CSPP1: variants seen among roughly 807,000 people sequenced by gnomAD.
CSPP1 encodes the protein centrosome and spindle pole associated protein 1.
A neutral mutation model predicts 164.4 loss-of-function variants in CSPP1; 126 were observed. The ratio of observed to expected loss-of-function variants is 0.77; its 90% CI spans 0.66 to 0.89. CSPP1 has a LOEUF of 0.89. Ranked by LOEUF, CSPP1 falls within the 40% of genes least tolerant of loss-of-function variation. CSPP1 has a pLI of 0.00. For synonymous variants in CSPP1, 472 were observed against 476.7 expected, an observed-to-expected ratio of 0.99 and a Z score of 0.13; for missense variants, 1,395 against 1,449.8, an observed-to-expected ratio of 0.96 and a Z score of 0.61.
chr8:67,107,982 A>AC (rs1815932648), intron 9 of CSPP1, among the ~76,000 whole-genome samples: 1 of 60,186 alleles, frequency 1.7e-5, no homozygotes, highest in East Asian at 4.9e-4. Context: ...TCTTTGACAA[A>AC]GTTTTTTTTT....
intron 15 of CSPP1, among the ~76,000 whole-genome samples, chr8:67,119,386 A>G (rs551440640): frequency 1.3e-5 from 2 of 152,094 alleles, no homozygotes; most frequent in African/African-American, 2.4e-5. Context: ...CTTGTTTTCA[A>G]TTTTTTTGGG....
chr8:67,077,344 T>G (rs1422500500), intron 3 of CSPP1, among the ~76,000 whole-genome samples: 1 of 151,456 alleles, frequency 6.6e-6, no homozygotes, highest in East Asian at 1.9e-4. Context: ...AATTTTTTTT[T>G]TTTTTCTTCA....
At chr8:67,103,348 T>G (rs958709403) in intron 8 of CSPP1, among the ~76,000 whole-genome samples, 1 of 152,164 alleles carries the variant, frequency 6.6e-6, no homozygotes, top group African/African-American at 2.4e-5. Flanking sequence ...CAAGTTTTGG[T>G]TATAAAGTGT....
intron 17 of CSPP1, among the ~76,000 whole-genome samples, chr8:67,145,369 ACTTTATGGATCTTTTCATAGAATCAG>A (rs1824312716): frequency 6.6e-6 from 1 of 152,074 alleles, no homozygotes; most frequent in Non-Finnish European, 1.5e-5. Context: ...ATGTTTATCA[ACTTTATGGATCTTTTCATAGAATCAG>A]CTTTAGTTTT....
chr8:67,150,797 GA>G (rs149607609), intron 18 of CSPP1, among the ~76,000 whole-genome samples: 5,322 of 152,110 alleles, frequency 0.035, 189 homozygotes, highest in African/African-American at 0.08. Context: ...GACATACCAG[GA>G]AAAGTTGTCA....
intron 10 of CSPP1, 119 bp downstream of exon 10, chr8:67,112,184 T>C: frequency 5.2e-6 from 3 of 574,444 alleles, no homozygotes; most frequent in South Asian, 2.5e-5. Flanking sequence ...AAATCACTTA[T>C]ATTTTCATCT....
In CSPP1 at chr8:67,195,849, C is replaced by G. The variant is rs898853393; in HGVS notation, c.*256C>G. The G allele has an allele frequency of 2.4e-6, 1 of 419,952 alleles. No homozygotes were observed. Among genetic ancestry groups the G allele is most frequent in the East Asian group, 4.5e-5 (1 of 22,262 alleles). The allele number at this position is 419,952 out of a possible 1,614,324, so 26.0% of individuals were successfully genotyped here. A position where few individuals can be genotyped will look rare whatever the true frequency, so the allele number is the denominator to read the frequency against. On this transcript the variant is annotated 3_prime_UTR_variant, in exon 31 of 31. Transcript: ENST00000678616. ...TAGGGTGGTAATGAACTGGATTGAA[C>G]TACTATATGTGCATTATATTGAATT...
At chr8:67,114,830 T>G (rs1025849247) in intron 12 of CSPP1, 1 of 152,238 alleles carries the variant, frequency 6.6e-6, no homozygotes, top group African/African-American at 2.4e-5. Context: ...CTTATTTATC[T>G]TTGAATTGAA....
chr8:67,099,266 T>A (rs1443079048), intron 7 of CSPP1: 1 of 152,122 alleles, frequency 6.6e-6, no homozygotes, highest in Non-Finnish European at 1.5e-5. Flanking sequence ...GTAAGTGAAC[T>A]TATATATTAA....
intron 7 of CSPP1, among the ~76,000 whole-genome samples, chr8:67,100,493 A>G (rs1813824066): frequency 6.6e-6 from 1 of 152,194 alleles, no homozygotes; most frequent in East Asian, 1.9e-4. Context: ...TTAATTTTAG[A>G]AAAAGCTTTT....
chr8:67,162,531 C>T (rs1828562900), intron 22 of CSPP1, among the ~76,000 whole-genome samples: 1 of 152,078 alleles, frequency 6.6e-6, no homozygotes, highest in Non-Finnish European at 1.5e-5. Flanking sequence ...TGAATTCCAC[C>T]CTTTGAGATT....
At chr8:67,110,060 A>G (rs1816526739) in intron 9 of CSPP1, among the ~76,000 whole-genome samples, 1 of 151,936 alleles carries the variant, frequency 6.6e-6, no homozygotes, top group Non-Finnish European at 1.5e-5. Context: ...CACCATGAAT[A>G]TGCCTAAACT....
At chr8:67,127,944 G>A (rs1286116359) in intron 15 of CSPP1, among the ~76,000 whole-genome samples, 1 of 152,202 alleles carries the variant, frequency 6.6e-6, no homozygotes, top group Non-Finnish European at 1.5e-5. Flanking sequence ...GAAGGAACCT[G>A]TGACTCTGTT....
chr8:67,082,742 A>C (rs535567860), intron 3 of CSPP1, among the ~76,000 whole-genome samples: 2 of 152,212 alleles, frequency 1.3e-5, no homozygotes, highest in Admixed American at 6.5e-5. Flanking sequence ...TATGTAAGCC[A>C]CAACTGTTAT....
intron 15 of CSPP1, among the ~76,000 whole-genome samples, chr8:67,125,571 C>T (rs1398867056): frequency 1.3e-5 from 2 of 152,154 alleles, no homozygotes; most frequent in Non-Finnish European, 2.9e-5. Flanking sequence ...CTGAGACCCC[C>T]ATTGGTACAC....
At chr8:67,135,570 T>C (rs7812425) in intron 16 of CSPP1, 18,767 of 152,248 alleles carry the variant, frequency 0.12, 2,273 homozygotes, top group African/African-American at 0.31. Context: ...CTTCATAGAA[T>C]TGAAGAAAGT....
intron 4 of CSPP1, among the ~76,000 whole-genome samples, chr8:67,089,810 AG>A (rs199742630): frequency 0.023 from 3,445 of 151,346 alleles, 59 homozygotes; most frequent in Non-Finnish European, 0.031. Flanking sequence ...TTTTTTTGGT[AG>A]AGACAGGGTA....
chr8:67,124,550 G>A (rs1819679530), intron 15 of CSPP1, among the ~76,000 whole-genome samples: 1 of 152,046 alleles, frequency 6.6e-6, no homozygotes, highest in South Asian at 2.1e-4. Flanking sequence ...GCACAGGTTG[G>A]AGTGCAGTGG....
chr8:67,143,829 G>C (rs552138020), intron 17 of CSPP1, among the ~76,000 whole-genome samples: 1 of 152,248 alleles, frequency 6.6e-6, no homozygotes, highest in East Asian at 1.9e-4. Context: ...TCACTTGTTA[G>C]TTTTAGTAGT....
Sources: allele counts gnomAD v4.1 joint callset (sites outside exome capture counted in the v4.1 genomes callset), GRCh38; gene constraint gnomAD v4.1.1; transcripts MANE v1.5; gene names NCBI Gene and HGNC (gene_info 2026-07-23, HGNC 2026-07-21).